Variants in CDH13 observed in about 807,000 individuals in gnomAD.
CDH13 encodes the protein cadherin-13.
A neutral mutation model predicts 63.8 loss-of-function variants in CDH13; 24 were observed. The ratio of observed to expected loss-of-function variants is 0.38; its 90% CI spans 0.27 to 0.53. The LOEUF (loss-of-function observed/expected upper bound fraction) is 0.53. CDH13 is among the 20% of genes least tolerant of loss of function. CDH13 has a pLI of 0.85. For missense variants in CDH13, 1,049 were observed against 903.1 expected, an observed-to-expected ratio of 1.16 and a Z score of -2.07; for synonymous variants, 503 against 355.3, an observed-to-expected ratio of 1.42 and a Z score of -4.67.
rs556427854 is a variant in CDH13, at chr16:82,644,107, A to G, written c.45+16970A>G. ...GAAAGAGGAGAGAAATCTAATTGAT[A>G]TGCTAATTGTCATTGTACTCAAGTT... is the stretch of plus-strand genomic sequence containing the variant. On this transcript the variant is annotated intron_variant, in intron 1 of 13. Coordinates refer to ENST00000567109, the MANE Select transcript of CDH13 (RefSeq NM_001257.5). The surrounding 1 kb of genome is among the most constrained non-coding windows in gnomAD (Gnocchi z 5.7). 6.6e-6 allele frequency among the ~76,000 whole-genome samples: 1 copy of G among 152,136 alleles called. No individual in the cohort carries two copies. The highest frequency in any genetic ancestry group is 1.5e-5 in the Non-Finnish European group (1 of 68,020).
At chr16:82,827,546 G>A (rs1440307448) in intron 1 of CDH13, among the ~76,000 whole-genome samples, 2 of 152,122 alleles carry the variant, frequency 1.3e-5, no homozygotes, top group African/African-American at 4.8e-5. Flanking sequence ...CCCTTTTTAG[G>A]AGTATACTGT....
chr16:82,968,772 C>T (rs1472929648), intron 2 of CDH13, among the ~76,000 whole-genome samples: 2 of 152,168 alleles, frequency 1.3e-5, no homozygotes, highest in African/African-American at 4.8e-5. Context: ...ACACTCCGTT[C>T]CCCTCAATAG....
chr16:83,033,964 G>C (rs943575673), intron 3 of CDH13, among the ~76,000 whole-genome samples: 6 of 152,022 alleles, frequency 3.9e-5, no homozygotes, highest in African/African-American at 7.2e-5. Context: ...ATCCCTGCTT[G>C]ATCTACTCAT....
chr16:82,686,373 C>T (rs1411068953), intron 1 of CDH13, among the ~76,000 whole-genome samples: 1 of 152,190 alleles, frequency 6.6e-6, no homozygotes, highest in African/African-American at 2.4e-5. Context: ...GATCAATACA[C>T]TTATAAATGC....
At chr16:83,787,177 T>G (rs937842785) in intron 13 of CDH13, among the ~76,000 whole-genome samples, 1 of 152,212 alleles carries the variant, frequency 6.6e-6, no homozygotes, top group African/African-American at 2.4e-5. Flanking sequence ...CTTACTTTTC[T>G]TCCTACCTGT....
In CDH13 at chr16:82,809,313, C is replaced by CAA. The variant is rs34233977; in HGVS notation, c.46-49038_46-49037dup. 6.9e-3 allele frequency among the ~76,000 whole-genome samples: 1,029 copies of CAA among 149,222 alleles called. 6 individuals are homozygous for CAA. Among genetic ancestry groups the CAA allele is most frequent in the Non-Finnish European group, 0.011 (746 of 67,186 alleles). On this transcript the variant is annotated intron_variant, in intron 1 of 13. Coordinates refer to ENST00000567109, the MANE Select transcript of CDH13 (RefSeq NM_001257.5). ...GACCACCTCTCAAGTTATTTACGTC[C>CAA]AAAAAAAAAAAATCACTGTAAATGA...
intron 2 of CDH13, among the ~76,000 whole-genome samples, chr16:82,947,996 T>C (rs1190166825): frequency 1.3e-5 from 2 of 152,208 alleles, no homozygotes; most frequent in East Asian, 3.8e-4. Context: ...TTGGCATTCA[T>C]GTGGACTTCA....
chr16:82,638,046 T>C (rs530735592), intron 1 of CDH13, among the ~76,000 whole-genome samples: 7 of 152,370 alleles, frequency 4.6e-5, no homozygotes, highest in Non-Finnish European at 1.0e-4. Flanking sequence ...CTGAAATCCA[T>C]TGAAGGGAGA....
intron 6 of CDH13, among the ~76,000 whole-genome samples, chr16:83,432,130 T>C (rs1432243882): frequency 6.6e-6 from 1 of 152,126 alleles, no homozygotes; most frequent in African/African-American, 2.4e-5. Flanking sequence ...TTGAGAGTGG[T>C]CAGATTGTGG....
At chr16:82,717,434 T>TAA (rs5818399) in intron 1 of CDH13, among the ~76,000 whole-genome samples, 22 of 122,952 alleles carry the variant, frequency 1.8e-4, no homozygotes, top group South Asian at 8.5e-4. Flanking sequence ...AGACTTTGCC[T>TAA]AAAAAAAAAA....
chr16:83,000,623 T>C (rs1211788638), intron 2 of CDH13, among the ~76,000 whole-genome samples: 1 of 149,984 alleles, frequency 6.7e-6, no homozygotes, highest in African/African-American at 2.5e-5. Flanking sequence ...GGAGTCTCGT[T>C]CTGTTGCCCA....
chr16:83,778,765 G>C (rs548063520), intron 11 of CDH13, among the ~76,000 whole-genome samples: 9 of 152,126 alleles, frequency 5.9e-5, no homozygotes, highest in African/African-American at 2.2e-4. Flanking sequence ...TGTCCAGCAG[G>C]GTCAGCCATC....
chr16:83,238,400 A>G (rs1205064215), intron 5 of CDH13, among the ~76,000 whole-genome samples: 3 of 152,330 alleles, frequency 2.0e-5, no homozygotes, highest in African/African-American at 7.2e-5. Flanking sequence ...CACTATCACG[A>G]GAACAGCATG....
intron 6 of CDH13, among the ~76,000 whole-genome samples, chr16:83,462,184 GC>G (rs997883729): frequency 1.5e-4 from 23 of 152,044 alleles, no homozygotes; most frequent in African/African-American, 5.3e-4. Context: ...GCAGCCATGA[GC>G]CCCTGCAGGC....
intron 6 of CDH13, among the ~76,000 whole-genome samples, chr16:83,430,592 A>G (rs1023693211): frequency 2.0e-5 from 3 of 152,152 alleles, no homozygotes; most frequent in Admixed American, 6.5e-5. Context: ...TAGAATTTCC[A>G]AGTCTCTGCT....
At chr16:83,654,133 A>T (rs1370574601) in intron 8 of CDH13, among the ~76,000 whole-genome samples, 1 of 152,082 alleles carries the variant, frequency 6.6e-6, no homozygotes, top group East Asian at 1.9e-4. Flanking sequence ...TGGATAGAGG[A>T]TGAATGAATC....
chr16:83,342,007 A>ACACACACG (rs1393343927), intron 5 of CDH13, among the ~76,000 whole-genome samples: 1 of 151,402 alleles, frequency 6.6e-6, no homozygotes, highest in Non-Finnish European at 1.5e-5. Context: ...ACACACACAC[A>ACACACACG]CACACACACA....
intron 3 of CDH13, among the ~76,000 whole-genome samples, chr16:83,061,476 T>TC (rs1320114109): frequency 1.3e-5 from 2 of 152,152 alleles, no homozygotes; most frequent in Non-Finnish European, 2.9e-5. Context: ...AACTGGCAGG[T>TC]CCAGATACAG....
At chr16:83,721,739 G>T (rs1344779789) in intron 10 of CDH13, 1 of 152,270 alleles carries the variant, frequency 6.6e-6, no homozygotes, top group Non-Finnish European at 1.5e-5. Flanking sequence ...TGCTGTAGAA[G>T]CTCCAGGGAG....
Sources: allele counts gnomAD v4.1 joint callset (sites outside exome capture counted in the v4.1 genomes callset), GRCh38; gene constraint gnomAD v4.1.1; non-coding constraint Gnocchi (gnomAD v3.1); transcripts MANE v1.5; gene names NCBI Gene and HGNC (gene_info 2026-07-23, HGNC 2026-07-21).